Variants in FOXO1 observed in about 807,000 individuals in gnomAD.
The protein encoded by FOXO1 is forkhead box O1, also known as forkhead box protein O1.
FOXO1 carries 6 observed loss-of-function variants against 44.1 expected under a neutral mutation model. The ratio of observed to expected loss-of-function variants is 0.14; its 90% CI spans 0.07 to 0.27. The LOEUF is 0.27. Ranked by LOEUF, FOXO1 falls within the 10% of genes least tolerant of loss-of-function variation. The pLI, the probability that FOXO1 is intolerant of heterozygous loss-of-function variation, is 1.00. For synonymous variants in FOXO1, 380 were observed against 362.7 expected, an observed-to-expected ratio of 1.05 and a Z score of -0.54; for missense variants, 737 against 888.8, an observed-to-expected ratio of 0.83 and a Z score of 2.17.
At chr13:40,580,919 T>TAC (rs1335946436) in intron 1 of FOXO1, among the ~76,000 whole-genome samples, 1 of 152,178 alleles carries the variant, frequency 6.6e-6, no homozygotes, top group East Asian at 1.9e-4. Context: ...GGAAAGTATC[T>TAC]ACAGCACTGC....
At chr13:40,578,794 AAAAC>A (rs1211515474) in intron 1 of FOXO1, among the ~76,000 whole-genome samples, 2 of 152,232 alleles carry the variant, frequency 1.3e-5, no homozygotes, top group Admixed American at 6.5e-5. Flanking sequence ...AAAACAACAC[AAAAC>A]AAACAAGAGC....
chr13:40,638,353 G>A (rs1241104203), intron 1 of FOXO1, among the ~76,000 whole-genome samples: 1 of 151,856 alleles, frequency 6.6e-6, no homozygotes, highest in African/African-American at 2.4e-5. Flanking sequence ...ATGTAAGGAA[G>A]ACATTATATG....
intron 1 of FOXO1, among the ~76,000 whole-genome samples, chr13:40,613,220 G>A (rs1876299326): frequency 6.6e-6 from 1 of 152,258 alleles, no homozygotes; most frequent in African/African-American, 2.4e-5. Flanking sequence ...GGTGGTGTGT[G>A]TGTTGGAGGG....
intron 1 of FOXO1, among the ~76,000 whole-genome samples, chr13:40,628,277 T>C (rs1876851236): frequency 6.6e-6 from 1 of 151,894 alleles, no homozygotes; most frequent in Non-Finnish European, 1.5e-5. Flanking sequence ...TTCACAAGCA[T>C]ACCCATGTCA....
At chr13:40,608,926 G>T (rs1011098318) in intron 1 of FOXO1, among the ~76,000 whole-genome samples, 2 of 152,144 alleles carry the variant, frequency 1.3e-5, no homozygotes, top group African/African-American at 4.8e-5. Context: ...TGGGAAGGGG[G>T]TACGTGTATC....
intron 1 of FOXO1, among the ~76,000 whole-genome samples, chr13:40,612,527 A>G (rs1451456187): frequency 1.3e-5 from 2 of 152,162 alleles, no homozygotes; most frequent in East Asian, 1.9e-4. Context: ...GCCTAAGGAG[A>G]TTTCTTTCAA....
At chr13:40,659,120 G>A (rs2137942337) in intron 1 of FOXO1, among the ~76,000 whole-genome samples, 1 of 152,130 alleles carries the variant, frequency 6.6e-6, no homozygotes, top group East Asian at 1.9e-4. Context: ...TTCGAGACCA[G>A]CCTGACCAAC....
intron 1 of FOXO1, among the ~76,000 whole-genome samples, chr13:40,627,444 T>C (rs1222140706): frequency 6.6e-6 from 1 of 152,186 alleles, no homozygotes; most frequent in Non-Finnish European, 1.5e-5. Flanking sequence ...AACCCTGTAC[T>C]GGATTCTGTA....
At chr13:40,657,663 C>T (rs972840814) in intron 1 of FOXO1, among the ~76,000 whole-genome samples, 5 of 152,234 alleles carry the variant, frequency 3.3e-5, no homozygotes, top group African/African-American at 9.6e-5. Flanking sequence ...CCTGGTTCAA[C>T]GGCCAATACA....
At chr13:40,577,644 C>G (rs919662434) in intron 1 of FOXO1, among the ~76,000 whole-genome samples, 3 of 152,212 alleles carry the variant, frequency 2.0e-5, no homozygotes, top group Non-Finnish European at 4.4e-5. Context: ...ACTCCTCCTA[C>G]TAGGATCATT....
chr13:40,641,528 T>C (rs1345103870), intron 1 of FOXO1, among the ~76,000 whole-genome samples: 2 of 152,116 alleles, frequency 1.3e-5, no homozygotes, highest in African/African-American at 4.8e-5. Context: ...CATTAATTGT[T>C]TAGATTCTGT....
chr13:40,608,297 T>C (rs1876096452), intron 1 of FOXO1, among the ~76,000 whole-genome samples: 1 of 152,196 alleles, frequency 6.6e-6, no homozygotes, highest in Non-Finnish European at 1.5e-5. Context: ...CTAGGGAATC[T>C]GATGCTGGCA....
At chr13:40,561,546 C>T (rs1290447604) in intron 1 of FOXO1, among the ~76,000 whole-genome samples, 1 of 152,052 alleles carries the variant, frequency 6.6e-6, no homozygotes, top group Non-Finnish European at 1.5e-5. Flanking sequence ...CCCTTCCATT[C>T]TACTATCCTT....
At chr13:40,604,373 T>G (rs1176205276) in intron 1 of FOXO1, among the ~76,000 whole-genome samples, 1 of 142,920 alleles carries the variant, frequency 7.0e-6, no homozygotes, top group African/African-American at 2.6e-5. Context: ...ATAATTAGTC[T>G]GGTGTCAGAT....
chr13:40,636,801 T>G (rs1448261122), intron 1 of FOXO1, among the ~76,000 whole-genome samples: 1 of 152,092 alleles, frequency 6.6e-6, no homozygotes, highest in Non-Finnish European at 1.5e-5. Flanking sequence ...GGCCAAAAAA[T>G]AATAATAATA....
chr13:40,628,356 T>TACACACACACACACACACACACAC (rs34314244), intron 1 of FOXO1, among the ~76,000 whole-genome samples: 4 of 145,206 alleles, frequency 2.8e-5, no homozygotes, highest in South Asian at 2.2e-4. Flanking sequence ...AAGAGCTGTT[T>TACACACACACACACACACACACAC]ACACACACAC....
intron 1 of FOXO1, among the ~76,000 whole-genome samples, chr13:40,592,609 C>T (rs1875423908): frequency 6.6e-6 from 1 of 152,226 alleles, no homozygotes; most frequent in East Asian, 1.9e-4. Flanking sequence ...TCAGGTTAAC[C>T]TTGTCTTGAA....
chr13:40,560,156 A>T lies in FOXO1; in HGVS notation c.1335T>A (p.Asn445Lys), dbSNP rs142437019. 6.2e-6 allele frequency: 10 copies of T among 1,613,946 alleles called. No homozygotes were observed. The African/African-American group carries it at 1.3e-4, about 22-fold the overall frequency. Residue 445 changes from asparagine to lysine, a missense_variant, in exon 2 of 3, where the codon AAT becomes AAA. Physicochemically the swap from Asn to Lys is moderately conservative, Grantham distance 94. Transcript: ENST00000379561. This position sits in a 1 kb window ranked among gnomAD's most constrained non-coding sequence, Gnocchi z 5.1. ...GACTCATACCTCCATAACTCGACTT[A>T]TTGTCCTGAAGTGTTTGTATAGGCA... is the stretch of plus-strand genomic sequence containing the variant. Reference protein sequence around the residue: ...PQMPIQTLQDNKSSYGGMSQY... With the variant: ...PQMPIQTLQDKKSSYGGMSQY...
At chr13:40,602,641 T>C (rs1430277384) in intron 1 of FOXO1, among the ~76,000 whole-genome samples, 3 of 152,226 alleles carry the variant, frequency 2.0e-5, no homozygotes, top group Admixed American at 6.5e-5. Context: ...CAAGGTCATT[T>C]ACATTTTTTA....
Sources: allele counts gnomAD v4.1 joint callset (sites outside exome capture counted in the v4.1 genomes callset), GRCh38; gene constraint gnomAD v4.1.1; non-coding constraint Gnocchi (gnomAD v3.1); transcripts MANE v1.5; gene names NCBI Gene and HGNC (gene_info 2026-07-23, HGNC 2026-07-21).